The following ECPAS variants were observed in gnomAD, a reference collection of about 807,000 sequenced individuals.
ECPAS encodes proteasome adapter and scaffold protein ECM29.
A neutral mutation model predicts 255.1 loss-of-function variants in ECPAS; 70 were observed. The ratio of observed to expected loss-of-function variants is 0.27; its 90% CI spans 0.23 to 0.33. The LOEUF is 0.33. Ranked by LOEUF, ECPAS falls within the 10% of genes least tolerant of loss-of-function variation. ECPAS has a pLI of 1.00. For missense variants in ECPAS, 1,817 were observed against 2,206.4 expected (o/e 0.82, Z 3.54); for synonymous variants, 784 against 775.0 (o/e 1.01, Z -0.19).
intron 1 of ECPAS, among the ~76,000 whole-genome samples, chr9:111,475,873 G>A (rs934857286): frequency 6.6e-6 from 1 of 152,108 alleles, no homozygotes; most frequent in Non-Finnish European, 1.5e-5. Context: ...AATGATACAG[G>A]CTTGCCTTGG....
intron 1 of ECPAS, among the ~76,000 whole-genome samples, chr9:111,480,869 G>A (rs142830076): frequency 1.3e-5 from 2 of 152,182 alleles, no homozygotes; most frequent in Non-Finnish European, 2.9e-5. Context: ...AGGTACTAGA[G>A]CCAGGAAATC....
At chr9:111,483,943 G>GCGCGCGCC in intron 1 of ECPAS, 173 bp downstream of exon 1, 1 of 911,942 alleles carries the variant, frequency 1.1e-6, no homozygotes, top group African/African-American at 1.8e-5. Flanking sequence ...GGCCCCTCGC[G>GCGCGCGCC]CGCCCGCCCG....
Position 111,463,290 on chromosome 9 carries a change from A to T in ECPAS, c.22+9607T>A, listed in dbSNP as rs542759167. ...TGTGGTGAAACTTCTGTGGTGAATC[A>T]CATGTCTCTCACTGTGTCCCCAGCA... On this transcript the variant is annotated intron_variant, in intron 2 of 49. Transcript: ENST00000684092. Among the ~76,000 whole-genome samples the T allele has an allele frequency of 2.3e-3, 343 of 152,314 alleles. 2 individuals are homozygous for T. The highest frequency in any genetic ancestry group is 6.8e-3 in the Middle Eastern group (2 of 294).
chr9:111,483,222 C>A (rs1376727964), intron 1 of ECPAS, among the ~76,000 whole-genome samples: 1 of 151,862 alleles, frequency 6.6e-6, no homozygotes, highest in Non-Finnish European at 1.5e-5. Context: ...GGGCTGGGCT[C>A]CCCCGACCCC....
intron 45 of ECPAS, 58 bp downstream of exon 45, chr9:111,370,377 T>A (rs1036336555): frequency 3.2e-6 from 4 of 1,233,790 alleles, no homozygotes; most frequent in African/African-American, 1.5e-5. Context: ...GGGAAAACAA[T>A]TTTTTAACTT....
intron 2 of ECPAS, among the ~76,000 whole-genome samples, chr9:111,469,410 T>A (rs898445231): frequency 6.6e-6 from 1 of 151,458 alleles, no homozygotes; most frequent in Non-Finnish European, 1.5e-5. Flanking sequence ...GACGGGCGCC[T>A]GCAATCCCAG....
At chr9:111,448,177 T>G (rs989496927) in intron 3 of ECPAS, among the ~76,000 whole-genome samples, 1 of 152,116 alleles carries the variant, frequency 6.6e-6, no homozygotes, top group Non-Finnish European at 1.5e-5. Flanking sequence ...CAATAAAATT[T>G]TTTCTTAAAA....
chr9:111,470,787 C>G (rs973195222), intron 2 of ECPAS, among the ~76,000 whole-genome samples: 1 of 150,104 alleles, frequency 6.7e-6, no homozygotes, highest in Non-Finnish European at 1.5e-5. Flanking sequence ...CACACACACA[C>G]AGAGGAAGGG....
intron 2 of ECPAS, among the ~76,000 whole-genome samples, chr9:111,464,866 A>T (rs2098277517): frequency 6.6e-6 from 1 of 152,180 alleles, no homozygotes; most frequent in South Asian, 2.1e-4. Flanking sequence ...TTTGAATTGC[A>T]TCTGCAATGT....
chr9:111,484,197 G>C lies in ECPAS; in HGVS notation c.-164C>G. ...GGCTGTAGAGCGAGGCGTTCGGCGG[G>C]CCGGGCCCCGGGGAGCCGCGCGCCG... On this transcript the variant is annotated 5_prime_UTR_variant, in exon 1 of 50. Coordinates refer to ENST00000684092, the MANE Select transcript of ECPAS (RefSeq NM_001364929.1). 1.4e-6 allele frequency: 2 copies of C among 1,481,142 alleles called. No individual in the cohort carries two copies. Among genetic ancestry groups the C allele is most frequent in the Non-Finnish European group, 1.8e-6 (2 of 1,118,456 alleles). 91.7% of individuals were successfully genotyped at this position (1,481,142 alleles called of 1,614,324 possible).
intron 21 of ECPAS, 86 bp downstream of exon 21, chr9:111,411,928 A>C: frequency 8.2e-7 from 1 of 1,216,774 alleles, no homozygotes; most frequent in Non-Finnish European, 1.1e-6. Context: ...TCATTTTACA[A>C]ATGAGAACAT....
intron 9 of ECPAS, among the ~76,000 whole-genome samples, chr9:111,428,869 C>T (rs2098225618): frequency 1.3e-5 from 2 of 152,140 alleles, no homozygotes; most frequent in African/African-American, 2.4e-5. Context: ...TCCTTATATG[C>T]TTTTGTAACA....
intron 21 of ECPAS, 161 bp downstream of exon 21, chr9:111,411,853 A>T: frequency 1.7e-6 from 1 of 588,078 alleles, no homozygotes; most frequent in Non-Finnish European, 2.8e-6. Flanking sequence ...AAGTGAGCTG[A>T]CTGAACCAAT....
intron 33 of ECPAS, 27 bp downstream of exon 33, chr9:111,385,310 A>G (rs913472734): frequency 1.9e-6 from 2 of 1,065,694 alleles, no homozygotes; most frequent in East Asian, 5.2e-5. Flanking sequence ...TTTTGTATAT[A>G]TAAATGCTGA....
chr9:111,374,465 A>C (rs1564499507), intron 38 of ECPAS, among the ~76,000 whole-genome samples: 2 of 152,214 alleles, frequency 1.3e-5, no homozygotes. Context: ...ACATCCATAC[A>C]GTGGAGTATC....
Position 111,433,331 on chromosome 9 carries a change from C to A in ECPAS, c.750G>T (p.Val250=). ...AGTGGAGAACAGCTTCAAGTTCAGG[C>A]ACCTGTTCAGCTTCTATGAATTTCA... ...GIVKFIEAEQ[V]PELEAVLHLV... The change falls in exon 8 of 50, where the codon GTG becomes GTT. Residue 250 remains valine, a synonymous_variant. Transcript: ENST00000684092. 3 of 1,613,988 alleles carry A rather than the reference C, an allele frequency of 1.9e-6. No individual in the cohort carries two copies. Among genetic ancestry groups the A allele is most frequent in the Non-Finnish European group, 2.5e-6 (3 of 1,179,846 alleles).
chr9:111,416,259 A>G lies in ECPAS; in HGVS notation c.1764+13T>C. 3 of 1,592,162 alleles carry G rather than the reference A, an allele frequency of 1.9e-6. No individual in the cohort carries two copies. The highest frequency in any genetic ancestry group is 2.6e-6 in the Non-Finnish European group (3 of 1,160,114). The stretch of plus-strand genomic sequence containing the variant: ...ACTTACAAAAAGTAAATAGAAATAT[A>G]TGAAAGTTCTACCTCTCCAAAGGCT... On this transcript the variant is annotated intron_variant, in intron 18 of 49. Transcript: ENST00000684092.
chr9:111,368,921 TA>T lies in ECPAS; in HGVS notation c.5113+113del. On this transcript the variant is annotated intron_variant, in intron 46 of 49. Coordinates refer to ENST00000684092, the MANE Select transcript of ECPAS (RefSeq NM_001364929.1). ...ACTTTCACTGGATAATTCTCATTAT[TA>T]ATCAATCAGGCTCGATAAGAAACAA... 2.9e-6 allele frequency: 3 copies of T among 1,034,190 alleles called. No homozygotes were observed. The South Asian group carries it at 6.1e-5, about 21-fold the overall frequency. 64.1% of individuals were successfully genotyped at this position (1,034,190 alleles called of 1,614,324 possible).
intron 1 of ECPAS, among the ~76,000 whole-genome samples, chr9:111,479,493 T>C (rs891457051): frequency 1.6e-4 from 24 of 151,828 alleles, no homozygotes; most frequent in African/African-American, 5.3e-4. Context: ...CTCGGGAGAC[T>C]GAGGCAGAAG....
Sources: allele counts gnomAD v4.1 joint callset (sites outside exome capture counted in the v4.1 genomes callset), GRCh38; gene constraint gnomAD v4.1.1; transcripts MANE v1.5; gene names NCBI Gene and HGNC (gene_info 2026-07-23, HGNC 2026-07-21).